COL6A3: variants seen among roughly 807,000 people sequenced by gnomAD.
COL6A3 encodes collagen type VI alpha 3 chain.
Under a neutral mutation model 274.1 loss-of-function variants are expected in COL6A3, and 137 were observed. The observed-to-expected ratio is 0.50, with a 90% CI of 0.44 to 0.58. The LOEUF (loss-of-function observed/expected upper bound fraction) is 0.58. COL6A3 is among the 20% of genes least tolerant of loss of function. COL6A3 has a pLI of 0.00. For missense variants in COL6A3, 3,950 were observed against 4,124.9 expected, an observed-to-expected ratio of 0.96 and a Z score of 1.16; for synonymous variants, 1,650 against 1,650.6, an observed-to-expected ratio of 1.00 and a Z score of 0.01.
intron 23 of COL6A3, chr2:237,355,246 A>G (rs2077293456): frequency 2.8e-6 from 1 of 356,034 alleles, no homozygotes; most frequent in Non-Finnish European, 5.1e-6. Context: ...TGGCTGCACG[A>G]TCCCAGCCAG....
At position 237,341,002 on chromosome 2, in the gene COL6A3, C is replaced by T. The variant is rs768944937; in HGVS notation, c.7914G>A (p.Met2638Ile). 1 of 1,614,180 alleles carries T rather than the reference C, an allele frequency of 6.2e-7. No individual in the cohort carries two copies. Among genetic ancestry groups the T allele is most frequent in the South Asian group, 1.1e-5 (1 of 91,080 alleles). Residue 2638 changes from methionine to isoleucine, a missense_variant, in exon 38 of 44, where the codon ATG becomes ATA. Physicochemically the swap from Met to Ile is conservative, Grantham distance 10 (BLOSUM62 1). Transcript: ENST00000295550. The stretch of plus-strand genomic sequence containing the variant: ...TGACCAGGTACGCTATGTACTTCTT[C>T]ATCTCATTGAACTGGAACAGGGTGG... ...ETTTLFQFNE[M>I]KKYIAYLVRQ...
In COL6A3 at chr2:237,371,569, G is replaced by A; in HGVS notation, c.4285+163C>T. On this transcript the variant is annotated intron_variant, in intron 9 of 43. Coordinates refer to ENST00000295550, the MANE Select transcript of COL6A3 (RefSeq NM_004369.4). The surrounding 1 kb of genome is among the most constrained non-coding windows in gnomAD (Gnocchi z 4.3). The stretch of plus-strand genomic sequence containing the variant: ...GTTATGATCATGCCACTGCACTCCA[G>A]CCTGGACGACAGAGCCAGACCCTGT... 1 of 1,451,654 alleles carries A rather than the reference G, an allele frequency of 6.9e-7. No homozygotes were observed. Among genetic ancestry groups the A allele is most frequent in the Non-Finnish European group, 9.1e-7 (1 of 1,103,624 alleles). 89.9% of individuals were successfully genotyped at this position (1,451,654 alleles called of 1,614,324 possible). A position where few individuals can be genotyped will look rare whatever the true frequency, so the allele number is the denominator to read the frequency against.
Position 237,336,193 on chromosome 2 carries a change from G to C in COL6A3, c.8907C>G (p.Val2969=). Residue 2969 remains valine, a synonymous_variant, in exon 40 of 44, where the codon GTC becomes GTG. Coordinates refer to ENST00000295550, the MANE Select transcript of COL6A3 (RefSeq NM_004369.4). ...AAKPVATKPE[V]PRPQAAKPAA... ...CTGGTTTGGCTGCCTGTGGCCTAGG[G>C]ACCTCAGGCTTGGTCGCCACTGGTT... The C allele has an allele frequency of 6.2e-7, 1 of 1,613,878 alleles. No individual in the cohort carries two copies. Among genetic ancestry groups the C allele is most frequent in the Non-Finnish European group, 8.5e-7 (1 of 1,179,996 alleles).
At chr2:237,332,150 C>G (rs1434745256) in intron 42 of COL6A3, among the ~76,000 whole-genome samples, 1 of 115,548 alleles carries the variant, frequency 8.7e-6, no homozygotes, top group Non-Finnish European at 1.8e-5. Flanking sequence ...CAGCCAGACC[C>G]TTGCTGAAAG....
intron 14 of COL6A3, 103 bp downstream of exon 14, chr2:237,363,150 C>A: frequency 8.5e-7 from 1 of 1,174,410 alleles, no homozygotes; most frequent in East Asian, 2.4e-5. Flanking sequence ...AAGGCCCCCC[C>A]CCCACCTCCA....
chr2:237,407,871 C>T lies in COL6A3; in HGVS notation c.-31+6082G>A, dbSNP rs2078759151. Among the ~76,000 whole-genome samples, 2 of 152,166 alleles carry T rather than the reference C, an allele frequency of 1.3e-5. No individual in the cohort carries two copies. Among genetic ancestry groups the T allele is most frequent in the African/African-American group, 4.8e-5 (2 of 41,436 alleles). ...ATTTCAACATTAAAGAAGAAAGGTG[C>T]ATTAGAAAATGCTTCAAGAAATATT... On this transcript the variant is annotated intron_variant, in intron 1 of 43. Transcript: ENST00000295550. The surrounding 1 kb of genome is among the most constrained non-coding windows in gnomAD (Gnocchi z 4.3).
intron 7 of COL6A3, among the ~76,000 whole-genome samples, chr2:237,375,607 A>C (rs1374427117): frequency 6.6e-6 from 1 of 152,142 alleles, no homozygotes; most frequent in Non-Finnish European, 1.5e-5. Context: ...CAGTGGCGCA[A>C]TCTCAGCTCA....
chr2:237,360,564 G>A (rs1268817551), intron 16 of COL6A3, among the ~76,000 whole-genome samples: 6 of 152,076 alleles, frequency 3.9e-5, no homozygotes, highest in African/African-American at 9.7e-5. Context: ...ACTGTTCCTC[G>A]TGAGCCCCTC....
chr2:237,343,685 G>GATCTCGGTGGTCGCCGTATC, intron 36 of COL6A3: 1 of 159,454 alleles, frequency 6.3e-6, no homozygotes, highest in Non-Finnish European at 1.4e-5. Context: ...GTGTGGTGTA[G>GATCTCGGTGGTCGCCGTATC]ATTGGGGGTG....
chr2:237,328,095 G>C (rs909332198), intron 42 of COL6A3: 1 of 152,210 alleles, frequency 6.6e-6, no homozygotes, highest in Non-Finnish European at 1.5e-5. Flanking sequence ...GAGCCTAAAA[G>C]ACAATGGGGA....
rs1451371831 is a variant in COL6A3, at chr2:237,354,909, G to C, written c.6617C>G (p.Pro2206Arg). ...CTGCATGAGGCTCACCTTAGCTCCGGGGGGTCCCCTTCGGCCAAAGCCACC... is the reference window on the plus strand; with the variant it reads ...CTGCATGAGGCTCACCTTAGCTCCGCGGGGTCCCCTTCGGCCAAAGCCACC... ...KNGGFGRRGP[P>R]GAKGNKGGPG... Residue 2206 changes from proline (P) to arginine (R), a missense_variant, in exon 24 of 44, where the codon CCC (proline) becomes CGC (arginine). Physicochemically the swap from Pro to Arg is moderately radical, Grantham distance 103. Coordinates refer to ENST00000295550, the MANE Select transcript of COL6A3 (RefSeq NM_004369.4). The C allele has an allele frequency of 1.9e-6, 3 of 1,613,850 alleles. No individual in the cohort carries two copies. Among genetic ancestry groups the C allele is most frequent in the Non-Finnish European group, 2.5e-6 (3 of 1,179,876 alleles).
chr2:237,379,006 C>A lies in COL6A3; in HGVS notation c.2127G>T (p.Leu709=). The A allele has an allele frequency of 1.2e-6, 2 of 1,614,212 alleles. No homozygotes were observed. Among genetic ancestry groups the A allele is most frequent in the Non-Finnish European group, 1.7e-6 (2 of 1,180,040 alleles). The change falls in exon 6 of 44, where the codon CTG becomes CTT. Residue 709 remains leucine (L), a synonymous_variant. Coordinates refer to ENST00000295550, the MANE Select transcript of COL6A3 (RefSeq NM_004369.4). ...KSDILGHLRQ[L]QLQGGSGLNT... The stretch of plus-strand genomic sequence containing the variant: ...TCAGGCCCGAACCTCCCTGGAGCTG[C>A]AGCTGCCTCAGATGACCAAGGATAT...
intron 38 of COL6A3, 99 bp downstream of exon 38, chr2:237,340,353 G>A: frequency 1.8e-6 from 2 of 1,139,970 alleles, no homozygotes; most frequent in South Asian, 2.6e-5. Context: ...AACAGTTCCT[G>A]TCAACACATC....
In COL6A3 at chr2:237,357,902, GGGAAATGAGCCACATATGGAA is replaced by G; in HGVS notation, c.6472-41_6472-21del. 6.2e-7 allele frequency: 1 copy of G among 1,611,978 alleles called. No homozygotes were observed. The highest frequency in any genetic ancestry group is 8.5e-7 in the Non-Finnish European group (1 of 1,177,990). On this transcript the variant is annotated intron_variant, in intron 21 of 43. Transcript: ENST00000295550. ...GTTACCCTGAAAGCAACATGGGAAA[GGGAAATGAGCCACATATGGAA>G]GGAAAGCAGCTGCCACTGGACTGGA...
chr2:237,378,688 G>T lies in COL6A3; in HGVS notation c.2445C>A (p.Pro815=). The part of the protein sequence containing the change: ...LPALPQQLIQ[P]LTTYVSGGVE... ...CACCTCCACTAACATATGTGGTTAG[G>T]GGCTGAATCAGCTGCTGAGGCAAAG... The change falls in exon 6 of 44, where the codon CCC becomes CCA. Residue 815 remains proline, a synonymous_variant. Transcript: ENST00000295550. The T allele has an allele frequency of 6.2e-7, 1 of 1,613,598 alleles. No individual in the cohort carries two copies. The highest frequency in any genetic ancestry group is 1.1e-5 in the South Asian group (1 of 91,050).
At chr2:237,350,760 C>T (rs2077189448) in intron 27 of COL6A3, among the ~76,000 whole-genome samples, 1 of 152,184 alleles carries the variant, frequency 6.6e-6, no homozygotes, top group Non-Finnish European at 1.5e-5. Context: ...AAAGACTGCT[C>T]GTTCCATATT....
Position 237,353,878 on chromosome 2 carries a change from C to A in COL6A3, c.6628-475G>T, listed in dbSNP as rs73998884. 7.9e-3 allele frequency among the ~76,000 whole-genome samples: 1,201 copies of A among 152,250 alleles called. 22 individuals carry two copies. The highest frequency in any genetic ancestry group is 0.028 in the African/African-American group (1,146 of 41,534). On this transcript the variant is annotated intron_variant, in intron 24 of 43. Transcript: ENST00000295550. ...GCTGACAGAGCCTCGGGAGCCAGAA[C>A]AGCCCAAGGAGGATGAAAGAAAAAT... is the stretch of plus-strand genomic sequence containing the variant.
chr2:237,348,336 A>T lies in COL6A3; in HGVS notation c.6966+13T>A, dbSNP rs2106328702. 1 of 1,605,726 alleles carries T rather than the reference A, an allele frequency of 6.2e-7. No homozygotes were observed. Among genetic ancestry groups the T allele is most frequent in the Non-Finnish European group, 8.5e-7 (1 of 1,172,380 alleles). ...AAATCATGATGATGCTTCACCGACC[A>T]GGGATTATTTACCTTTGGTCCTGGG... On this transcript the variant is annotated intron_variant, in intron 30 of 43. Transcript: ENST00000295550.
At chr2:237,359,439 C>A in intron 17 of COL6A3, 51 bp from the exon 18 acceptor site, 1 of 1,608,428 alleles carries the variant, frequency 6.2e-7, no homozygotes, top group East Asian at 2.2e-5. Context: ...CAGGGCTGGT[C>A]CCTCGGGCAG....
Sources: allele counts gnomAD v4.1 joint callset (sites outside exome capture counted in the v4.1 genomes callset), GRCh38; gene constraint gnomAD v4.1.1; non-coding constraint Gnocchi (gnomAD v3.1); transcripts MANE v1.5; gene names NCBI Gene and HGNC (gene_info 2026-07-23, HGNC 2026-07-21).